Variants in RDH16 observed in about 807,000 individuals in gnomAD.
RDH16 encodes retinol dehydrogenase 16.
Under a neutral mutation model 22.3 loss-of-function variants are expected in RDH16, and 25 were observed. The ratio of observed to expected loss-of-function variants is 1.12; its 90% confidence interval spans 0.82 to 1.56. The LOEUF (loss-of-function observed/expected upper bound fraction) is 1.56, where lower values mean the gene tolerates loss of function less well. Among genes scored for constraint, RDH16 ranks in the 40% most tolerant of loss-of-function variants. The pLI is 0.00. For synonymous variants in RDH16, 154 were observed against 164.4 expected (o/e 0.94, Z 0.48); for missense variants, 413 against 394.9 (o/e 1.05, Z -0.39).
chr12:56,957,394 C>G lies in RDH16; in HGVS notation c.69G>C (p.Val23=), dbSNP rs201155943. The G allele has an allele frequency of 8.7e-6, 14 of 1,614,160 alleles. No homozygotes were observed. The highest frequency in any genetic ancestry group is 1.2e-5 in the Non-Finnish European group (14 of 1,180,030). Residue 23 remains valine, a synonymous_variant, in exon 1 of 4, where the codon GTG becomes GTC. Transcript: ENST00000398138. ...CATACTTATCTCTCAGGTGGCTCAG[C>G]ACCTGCCTCTCCCGGTACCAGTGCA... ...YLLHWYRERQ[V]LSHLRDKYVF...
Position 56,955,025 on chromosome 12 carries a change from T to C in RDH16, c.453A>G (p.Leu151=), listed in dbSNP as rs753329414. ...CCACACGGCCCCTGGCCCTCCTCAC[T>C]AAGGGCAGCAGGCTCAGAGTCACAT... ...VIDVTLSLLP[L]VRRARGRVVN... is the part of the protein sequence containing the mutation. Residue 151 remains leucine, a synonymous_variant, in exon 2 of 4, where the codon TTA becomes TTG. Coordinates refer to ENST00000398138, the MANE Select transcript of RDH16 (RefSeq NM_003708.5). 21 of 1,613,924 alleles carry C rather than the reference T, an allele frequency of 1.3e-5. No homozygotes were observed. Among genetic ancestry groups the C allele is most frequent in the Non-Finnish European group, 1.8e-5 (21 of 1,180,030 alleles).
Position 56,957,529 on chromosome 12 carries a change from G to A in RDH16, c.-67C>T. On this transcript the variant is annotated 5_prime_UTR_variant, in exon 1 of 4. Coordinates refer to ENST00000398138, the MANE Select transcript of RDH16 (RefSeq NM_003708.5). ...CAGAGTCTGGCCTCTGTTCAGACAG[G>A]AGGATTTAAGAACACAGAGGGCTGT... 6.6e-7 allele frequency: 1 copy of A among 1,511,010 alleles called. No individual in the cohort carries two copies. Among genetic ancestry groups the A allele is most frequent in the African/African-American group, 1.4e-5 (1 of 72,414 alleles). 93.6% of individuals were successfully genotyped at this position (1,511,010 alleles called of 1,614,324 possible).
rs1337066665 is a variant in RDH16, at chr12:56,952,038, C to A, written c.945G>T (p.Lys315Asn). 6.2e-7 allele frequency: 1 copy of A among 1,614,016 alleles called. No homozygotes were observed. The highest frequency in any genetic ancestry group is 1.1e-5 in the South Asian group (1 of 91,068). ...IMYWVSPSPA[K>N]AL Reference sequence around the variant, plus strand: ...GCATCCAACCTTAGCTTCATAGAGCCTTGGCCGGGCTTGGAGAGACCCAGT... The same window carrying A: ...GCATCCAACCTTAGCTTCATAGAGCATTGGCCGGGCTTGGAGAGACCCAGT... Residue 315 changes from lysine (K) to asparagine (N), a missense_variant, in exon 4 of 4, where the codon AAG (lysine) becomes AAT (asparagine). Physicochemically the swap from Lys to Asn is moderately conservative, Grantham distance 94. Transcript: ENST00000398138.
chr12:56,954,935 A>C lies in RDH16; in HGVS notation c.543T>G (p.Tyr181Ter), dbSNP rs1178383236. The C allele has an allele frequency of 8.7e-6, 14 of 1,614,068 alleles. No homozygotes were observed. The highest frequency in any genetic ancestry group is 6.7e-5 in the Admixed American group (4 of 60,004). ...LFGGGYCISKYGVEAFSDSLR... is the reference protein window; with the variant it reads ...LFGGGYCISK ...GGGAGTCAGAGAAGGCTTCCACGCCATACTTGGAGATGCAGTAGCCTCCAC... is the reference window on the plus strand; with the variant it reads ...GGGAGTCAGAGAAGGCTTCCACGCCCTACTTGGAGATGCAGTAGCCTCCAC... Residue 181 changes from tyrosine to a stop codon, truncating the protein, a stop_gained, in exon 2 of 4, where the codon TAT becomes TAG. Coordinates refer to ENST00000398138, the MANE Select transcript of RDH16 (RefSeq NM_003708.5). LOFTEE classifies it high-confidence loss of function.
chr12:56,956,709 T>C (rs540680767), intron 1 of RDH16, among the ~76,000 whole-genome samples: 3 of 152,228 alleles, frequency 2.0e-5, no homozygotes, highest in African/African-American at 7.2e-5. Flanking sequence ...CAGTGGACGC[T>C]GATGGGCCCT....
intron 1 of RDH16, among the ~76,000 whole-genome samples, chr12:56,956,706 C>T (rs138384663): frequency 4.6e-5 from 7 of 152,196 alleles, no homozygotes; most frequent in South Asian, 2.1e-4. Flanking sequence ...TCTCAGTGGA[C>T]GCTGATGGGC....
chr12:56,952,772 C>T (rs1179536100), intron 3 of RDH16, 55 bp downstream of exon 3: 1 of 1,569,830 alleles, frequency 6.4e-7, no homozygotes, highest in Non-Finnish European at 8.6e-7. Context: ...CAATGGTAGA[C>T]CAAGGATTCC....
In RDH16 at chr12:56,952,317, G is replaced by T. The variant is rs1955889138; in HGVS notation, c.737-71C>A. 9.1e-6 allele frequency: 13 copies of T among 1,428,656 alleles called. 1 individual carries two copies. The Admixed American group carries it at 2.3e-4, about 26-fold the overall frequency. The allele number at this position is 1,428,656 out of a possible 1,614,324, so 88.5% of individuals were successfully genotyped here. A position where few individuals can be genotyped will look rare whatever the true frequency, so the allele number is the denominator to read the frequency against. On this transcript the variant is annotated intron_variant, in intron 3 of 3. Transcript: ENST00000398138. Reference sequence around the variant, plus strand: ...GCTCCTGCTTTGGATTCAACTTAGAGTGGAAAGGGTCTAAGAACTCATGCC... The same window carrying T: ...GCTCCTGCTTTGGATTCAACTTAGATTGGAAAGGGTCTAAGAACTCATGCC...
At position 56,957,366 on chromosome 12, in the gene RDH16, A is replaced by G; in HGVS notation, c.97T>C (p.Phe33Leu). Residue 33 changes from phenylalanine to leucine, a missense_variant, in exon 1 of 4, where the codon TTC (phenylalanine) becomes CTC (leucine). Physicochemically the swap from Phe to Leu is conservative, Grantham distance 22. Coordinates refer to ENST00000398138, the MANE Select transcript of RDH16 (RefSeq NM_003708.5). ...AAGCCAGAGTCACAGCCCGTGATGA[A>G]CACATACTTATCTCTCAGGTGGCTC... The part of the protein sequence containing the change: ...VLSHLRDKYV[F>L]ITGCDSGFGK... 6.2e-7 allele frequency: 1 copy of G among 1,614,170 alleles called. No homozygotes were observed. The highest frequency in any genetic ancestry group is 8.5e-7 in the Non-Finnish European group (1 of 1,180,028).
intron 2 of RDH16, among the ~76,000 whole-genome samples, chr12:56,953,652 T>A (rs1044804256): frequency 6.6e-6 from 1 of 152,186 alleles, no homozygotes; most frequent in Non-Finnish European, 1.5e-5. Context: ...CTGCAGTACA[T>A]GCAGGTGGCT....
chr12:56,951,503 A>C lies in RDH16; in HGVS notation c.*526T>G. 1 of 166,440 alleles carries C rather than the reference A, an allele frequency of 6.0e-6. No homozygotes were observed. The highest frequency in any genetic ancestry group is 1.3e-5 in the Non-Finnish European group (1 of 75,230). The allele number at this position is 166,440 out of a possible 1,614,324, so 10.3% of individuals were successfully genotyped here. A position where few individuals can be genotyped will look rare whatever the true frequency, so the allele number is the denominator to read the frequency against. ...TTACTTAGGACACCACCTCCCAGCC[A>C]CTGCTTCTGGGATGACTCCTGAGGC... On this transcript the variant is annotated 3_prime_UTR_variant, in exon 4 of 4. Transcript: ENST00000398138.
At chr12:56,953,079 A>T (rs1389260458) in intron 2 of RDH16, 89 bp from the exon 3 acceptor site, 2 of 1,183,600 alleles carry the variant, frequency 1.7e-6, no homozygotes, top group Admixed American at 4.6e-5. Context: ...ATATCACAAC[A>T]TATGAGGACA....
In RDH16 at chr12:56,951,542, T is replaced by A. The variant is rs770884745; in HGVS notation, c.*487A>T. On this transcript the variant is annotated 3_prime_UTR_variant, in exon 4 of 4. Transcript: ENST00000398138. ...GACTCCTGAGGCCTATGGGGCCGCA[T>A]AATGGTTCCAGTCCCAACACCACGT... 4.9e-5 allele frequency: 9 copies of A among 182,650 alleles called. No individual in the cohort carries two copies. Among genetic ancestry groups the A allele is most frequent in the Non-Finnish European group, 9.4e-5 (8 of 85,006 alleles). 11.3% of individuals were successfully genotyped at this position (182,650 alleles called of 1,614,324 possible). A position where few individuals can be genotyped will look rare whatever the true frequency, so the allele number is the denominator to read the frequency against.
intron 2 of RDH16, 123 bp from the exon 3 acceptor site, chr12:56,953,113 A>C (rs1955898448): frequency 1.1e-6 from 1 of 905,064 alleles, no homozygotes; most frequent in African/African-American, 1.7e-5. Flanking sequence ...AAAGCTTGGA[A>C]TATTTAATTT....
rs200529763 is a variant in RDH16 at position 56,952,213 on chromosome 12, C to A, written c.770G>T (p.Cys257Phe). Residue 257 changes from cysteine to phenylalanine, a missense_variant, in exon 4 of 4, where the codon TGC (cysteine) becomes TTC (phenylalanine). Coordinates refer to ENST00000398138, the MANE Select transcript of RDH16 (RefSeq NM_003708.5). ...GGTCACCAACGACAGATCCTGTGTG[C>A]ACTTCTGCTCCATTTGTTCAGCTGA... ...KKSAEQMEQK[C>F]TQDLSLVTNC... 1 of 1,614,122 alleles carries A rather than the reference C, an allele frequency of 6.2e-7. No homozygotes were observed. Among genetic ancestry groups the A allele is most frequent in the Admixed American group, 1.7e-5 (1 of 60,022 alleles).
rs1955885445 is a variant in RDH16 at position 56,952,087 on chromosome 12, G to A, written c.896C>T (p.Thr299Ile). ...LLYLPMSYMP[T>I]FLVDAIMYWV... Reference sequence around the variant, plus strand: ...GTACATAATGGCATCCACCAGGAAGGTGGGCATGTAGCTCATGGGGAGGTA... The same window carrying A: ...GTACATAATGGCATCCACCAGGAAGATGGGCATGTAGCTCATGGGGAGGTA... Residue 299 changes from threonine to isoleucine, a missense_variant, in exon 4 of 4, where the codon ACC becomes ATC. By Grantham distance (89) the Thr-to-Ile change is moderately conservative. Coordinates refer to ENST00000398138, the MANE Select transcript of RDH16 (RefSeq NM_003708.5). The A allele has an allele frequency of 6.2e-7, 1 of 1,614,180 alleles. No homozygotes were observed. Among genetic ancestry groups the A allele is most frequent in the African/African-American group, 1.3e-5 (1 of 75,050 alleles).
rs1350194143 is a variant in RDH16 at position 56,951,551 on chromosome 12, C to T, written c.*478G>A. Reference sequence around the variant, plus strand: ...GGCCTATGGGGCCGCATAATGGTTCCAGTCCCAACACCACGTGTACAGGGA... The same window carrying T: ...GGCCTATGGGGCCGCATAATGGTTCTAGTCCCAACACCACGTGTACAGGGA... On this transcript the variant is annotated 3_prime_UTR_variant, in exon 4 of 4. Coordinates refer to ENST00000398138, the MANE Select transcript of RDH16 (RefSeq NM_003708.5). 6 of 187,510 alleles carry T rather than the reference C, an allele frequency of 3.2e-5. No individual in the cohort carries two copies. Among genetic ancestry groups the T allele is most frequent in the Admixed American group, 1.6e-4 (3 of 18,886 alleles). 11.6% of individuals were successfully genotyped at this position (187,510 alleles called of 1,614,324 possible). A position where few individuals can be genotyped will look rare whatever the true frequency, so the allele number is the denominator to read the frequency against.
In RDH16 at chr12:56,955,312, A is replaced by AG. The variant is rs574516355; in HGVS notation, c.314-149dup. ...GGTATAACAAACACCACAGTATCAC[A>AG]GGGGTGGGGGCTGAGCATTCAGCAG... On this transcript the variant is annotated intron_variant, in intron 1 of 3. Coordinates refer to ENST00000398138, the MANE Select transcript of RDH16 (RefSeq NM_003708.5). 2.0e-5 allele frequency: 19 copies of AG among 971,342 alleles called. No individual in the cohort carries two copies. In the South Asian group the frequency reaches 2.8e-4, roughly 14 times the overall value. The allele number at this position is 971,342 out of a possible 1,614,324, so 60.2% of individuals were successfully genotyped here.
intron 2 of RDH16, 72 bp downstream of exon 2, chr12:56,954,834 A>G: frequency 6.5e-7 from 1 of 1,536,342 alleles, no homozygotes; most frequent in Admixed American, 1.8e-5. Context: ...GATTCAAGGA[A>G]CTCCCTGGAA....
Sources: allele counts gnomAD v4.1 joint callset (sites outside exome capture counted in the v4.1 genomes callset), GRCh38; gene constraint gnomAD v4.1.1; transcripts MANE v1.5; gene names NCBI Gene and HGNC (gene_info 2026-07-23, HGNC 2026-07-21).